DDX10: variants seen among roughly 807,000 people sequenced by gnomAD.
DDX10 encodes the protein probable ATP-dependent RNA helicase DDX10.
In DDX10, 74 loss-of-function variants were observed where a neutral mutation model predicts 104.3. The ratio of observed to expected loss-of-function variants is 0.71; its 90% CI spans 0.59 to 0.86. DDX10 has a LOEUF of 0.86. DDX10 is among the 40% of genes least tolerant of loss of function. DDX10 has a pLI of 0.00. For missense variants in DDX10, 952 were observed against 1,040.0 expected, an observed-to-expected ratio of 0.92 and a Z score of 1.16; for synonymous variants, 351 against 353.4, an observed-to-expected ratio of 0.99 and a Z score of 0.08.
chr11:108,777,291 T>A (rs2094371100), intron 13 of DDX10, among the ~76,000 whole-genome samples: 1 of 152,066 alleles, frequency 6.6e-6, no homozygotes, highest in Admixed American at 6.6e-5. Context: ...TCCACGTAAT[T>A]TGAGGGTTCT....
intron 13 of DDX10, among the ~76,000 whole-genome samples, chr11:108,825,897 A>G (rs1862389489): frequency 6.6e-6 from 1 of 152,238 alleles, no homozygotes; most frequent in African/African-American, 2.4e-5. Flanking sequence ...GTAGGCAGTC[A>G]TCTGTCGGAC....
At chr11:108,803,892 C>T (rs1391310502) in intron 13 of DDX10, among the ~76,000 whole-genome samples, 1 of 152,120 alleles carries the variant, frequency 6.6e-6, no homozygotes, top group Admixed American at 6.5e-5. Flanking sequence ...TTTTGCTATC[C>T]TATGAGGGTT....
chr11:108,675,846 T>A (rs1047280612), intron 3 of DDX10, 120 bp downstream of exon 3: 3 of 1,313,792 alleles, frequency 2.3e-6, no homozygotes, highest in Admixed American at 4.1e-5. Flanking sequence ...TTGGCTAGAA[T>A]GCGAGCTTCA....
At chr11:108,852,021 A>C in intron 15 of DDX10, 132 bp from the exon 16 acceptor site, 1 of 674,114 alleles carries the variant, frequency 1.5e-6, no homozygotes, top group Non-Finnish European at 2.5e-6. Flanking sequence ...CCATAGTAGT[A>C]GTCAGTAAAT....
At chr11:108,831,413 G>C (rs895879755) in intron 13 of DDX10, among the ~76,000 whole-genome samples, 15 of 97,594 alleles carry the variant, frequency 1.5e-4, no homozygotes, top group Admixed American at 6.9e-4. Flanking sequence ...GACAGAGCGA[G>C]ACTGTCTCAA....
chr11:108,789,472 AGAGGCAATT>A (rs1227870853), intron 13 of DDX10, among the ~76,000 whole-genome samples: 1 of 152,236 alleles, frequency 6.6e-6, no homozygotes, highest in Non-Finnish European at 1.5e-5. Context: ...AGCTATCTTG[AGAGGCAATT>A]GAGTAGGTAC....
At chr11:108,758,008 G>A (rs1474279477) in intron 13 of DDX10, among the ~76,000 whole-genome samples, 1 of 152,098 alleles carries the variant, frequency 6.6e-6, no homozygotes, top group Admixed American at 6.6e-5. Flanking sequence ...GCTGCCTACT[G>A]CTACAGCAAC....
At chr11:108,855,395 G>A (rs985988352) in intron 16 of DDX10, among the ~76,000 whole-genome samples, 4 of 152,146 alleles carry the variant, frequency 2.6e-5, no homozygotes, top group African/African-American at 4.8e-5. Context: ...GCTGAAACTT[G>A]AGGAAATAGA....
intron 16 of DDX10, among the ~76,000 whole-genome samples, chr11:108,882,730 C>T (rs1863244129): frequency 6.6e-6 from 1 of 152,088 alleles, no homozygotes; most frequent in African/African-American, 2.4e-5. Flanking sequence ...GTTTCTATTT[C>T]TGTTAGTACT....
At chr11:108,695,346 C>T (rs2094258236) in intron 9 of DDX10, among the ~76,000 whole-genome samples, 1 of 152,102 alleles carries the variant, frequency 6.6e-6, no homozygotes, top group Admixed American at 6.6e-5. Context: ...ATATGGATTC[C>T]AGGATTGGTC....
intron 13 of DDX10, among the ~76,000 whole-genome samples, chr11:108,795,760 G>T (rs1375369841): frequency 6.6e-6 from 1 of 152,076 alleles, no homozygotes; most frequent in Non-Finnish European, 1.5e-5. Context: ...ATTTGGGTTG[G>T]TTCCAAGTCT....
chr11:108,782,957 T>C (rs1861728054), intron 13 of DDX10, among the ~76,000 whole-genome samples: 1 of 152,232 alleles, frequency 6.6e-6, no homozygotes, highest in African/African-American at 2.4e-5. Flanking sequence ...CATTTCTCTA[T>C]TCTTCACCCA....
chr11:108,758,859 C>T (rs1410838185), intron 13 of DDX10, among the ~76,000 whole-genome samples: 2 of 152,058 alleles, frequency 1.3e-5, no homozygotes, highest in Non-Finnish European at 2.9e-5. Context: ...ACTATATTCA[C>T]AGGATGCCAG....
intron 6 of DDX10, among the ~76,000 whole-genome samples, chr11:108,687,521 G>C (rs2094246039): frequency 6.6e-6 from 1 of 152,132 alleles, no homozygotes. Context: ...ATGTTGCCCA[G>C]GCTGGTGTAG....
At chr11:108,832,573 A>G (rs1433602818) in intron 13 of DDX10, among the ~76,000 whole-genome samples, 1 of 152,218 alleles carries the variant, frequency 6.6e-6, no homozygotes, top group African/African-American at 2.4e-5. Flanking sequence ...TGTCATACGT[A>G]AAATAATACA....
chr11:108,705,512 T>C (rs897861309), intron 9 of DDX10, among the ~76,000 whole-genome samples: 3 of 152,202 alleles, frequency 2.0e-5, no homozygotes, highest in Admixed American at 2.0e-4. Context: ...ATTTACTGTT[T>C]TGTGACTGTT....
intron 13 of DDX10, among the ~76,000 whole-genome samples, chr11:108,811,877 A>G (rs1043789116): frequency 4.8e-5 from 5 of 104,712 alleles, no homozygotes; most frequent in African/African-American, 1.3e-4. Flanking sequence ...AGGAAAGGGG[A>G]ATTAATTATA....
rs10582729 is a variant in DDX10, at chr11:108,750,926, C to CT, written c.1965+27502dup. Reference sequence around the variant, plus strand: ...ACATGTGCATCACCACACCTGGTTACTTTTTTTTTTTTTTTTTTTTTTTTT... The same window carrying CT: ...ACATGTGCATCACCACACCTGGTTACTTTTTTTTTTTTTTTTTTTTTTTTTT... On this transcript the variant is annotated intron_variant, in intron 13 of 17. Coordinates refer to ENST00000322536, the MANE Select transcript of DDX10 (RefSeq NM_004398.4). 6.6e-4 allele frequency among the ~76,000 whole-genome samples: 16 copies of CT among 24,262 alleles called. 5 individuals carry two copies. The highest frequency in any genetic ancestry group is 7.9e-4 in the Non-Finnish European group (8 of 10,148). 15.9% of individuals were successfully genotyped at this position (24,262 alleles called of 152,430 possible). A position where few individuals can be genotyped will look rare whatever the true frequency, so the allele number is the denominator to read the frequency against.
At chr11:108,793,530 G>A (rs988266559) in intron 13 of DDX10, among the ~76,000 whole-genome samples, 11 of 152,076 alleles carry the variant, frequency 7.2e-5, no homozygotes, top group African/African-American at 2.2e-4. Context: ...AATTTCAGGC[G>A]TGCTGGAATT....
Sources: allele counts gnomAD v4.1 joint callset (sites outside exome capture counted in the v4.1 genomes callset), GRCh38; gene constraint gnomAD v4.1.1; transcripts MANE v1.5; gene names NCBI Gene and HGNC (gene_info 2026-07-23, HGNC 2026-07-21).